CEP164: variants seen among roughly 807,000 people sequenced by gnomAD.
The protein encoded by CEP164 is centrosomal protein 164.
Under a neutral mutation model 182.7 loss-of-function variants are expected in CEP164, and 162 were observed. The observed-to-expected ratio is 0.89, with a 90% CI of 0.78 to 1.01. CEP164 has a LOEUF of 1.01. Among genes scored for constraint, CEP164 ranks in the 50% least tolerant of loss-of-function variants. The pLI is 0.00. For synonymous variants in CEP164, 661 were observed against 690.0 expected, an observed-to-expected ratio of 0.96 and a Z score of 0.66; for missense variants, 1,735 against 1,790.4, an observed-to-expected ratio of 0.97 and a Z score of 0.56.
intron 5 of CEP164, among the ~76,000 whole-genome samples, chr11:117,353,126 A>G (rs890598213): frequency 3.3e-5 from 5 of 151,970 alleles, no homozygotes; most frequent in African/African-American, 1.2e-4. Flanking sequence ...AGAGGGAGGG[A>G]CATAGGAACT....
At chr11:117,410,359 T>G in intron 30 of CEP164, 1 of 308,648 alleles carries the variant, frequency 3.2e-6, no homozygotes, top group Middle Eastern at 1.1e-3. Context: ...TAGTTCTTAA[T>G]TCTCTGAGGT....
At chr11:117,393,200 C>A in intron 20 of CEP164, 74 bp downstream of exon 20, 3 of 1,563,268 alleles carry the variant, frequency 1.9e-6, no homozygotes, top group Non-Finnish European at 2.6e-6. Context: ...CACACACATG[C>A]ACACACACAT....
At chr11:117,381,638 C>T in intron 12 of CEP164, 63 bp from the exon 13 acceptor site, 1 of 1,538,128 alleles carries the variant, frequency 6.5e-7, no homozygotes, top group East Asian at 2.4e-5. Context: ...CTGTACTCCC[C>T]AGTTCTCTTC....
intron 4 of CEP164, among the ~76,000 whole-genome samples, chr11:117,350,914 T>A (rs569730195): frequency 1.3e-5 from 2 of 152,380 alleles, no homozygotes; most frequent in South Asian, 4.1e-4. Flanking sequence ...TTGTTAATGG[T>A]GGATGAGATG....
At chr11:117,403,686 T>A (rs1241768658) in intron 27 of CEP164, among the ~76,000 whole-genome samples, 2 of 152,194 alleles carry the variant, frequency 1.3e-5, no homozygotes, top group African/African-American at 4.8e-5. Context: ...ATTTCCTGAA[T>A]TTGAATGTTG....
chr11:117,408,227 TG>T (rs2046933924), intron 28 of CEP164, among the ~76,000 whole-genome samples, 195 bp downstream of exon 28: 1 of 152,196 alleles, frequency 6.6e-6, no homozygotes, highest in Admixed American at 6.5e-5. Context: ...CCTGTGGGTT[TG>T]GATACCTGTG....
chr11:117,408,825 A>G, intron 28 of CEP164, 65 bp from the exon 29 acceptor site: 1 of 1,599,028 alleles, frequency 6.3e-7, no homozygotes. Flanking sequence ...CTTCCTAGGA[A>G]GGAAAAAGGA....
chr11:117,328,298 C>T (rs1451860637), intron 1 of CEP164: 5 of 152,348 alleles, frequency 3.3e-5, no homozygotes, highest in Admixed American at 6.5e-5. Flanking sequence ...CGAGTGAGGC[C>T]AGGCCTTCCG....
intron 27 of CEP164, among the ~76,000 whole-genome samples, chr11:117,404,278 C>G (rs866232014): frequency 6.6e-6 from 1 of 152,050 alleles, no homozygotes; most frequent in Non-Finnish European, 1.5e-5. Context: ...GGTTTTTCCT[C>G]ATCTTCATGG....
chr11:117,410,763 G>A, intron 30 of CEP164, 65 bp from the exon 31 acceptor site: 1 of 1,376,838 alleles, frequency 7.3e-7, no homozygotes, highest in Non-Finnish European at 1.0e-6. Flanking sequence ...GGGGAGGCAA[G>A]AGGTGCTGGT....
intron 20 of CEP164, among the ~76,000 whole-genome samples, chr11:117,393,716 C>T (rs2045036643): frequency 6.6e-6 from 1 of 152,178 alleles, no homozygotes; most frequent in Admixed American, 6.5e-5. Flanking sequence ...CTTGGGACAC[C>T]AAGAAATAGA....
chr11:117,347,724 AG>A (rs1298737635), intron 4 of CEP164, among the ~76,000 whole-genome samples: 1 of 151,976 alleles, frequency 6.6e-6, no homozygotes. Flanking sequence ...AAAAAAAAAA[AG>A]AATAGCTTGT....
chr11:117,398,887 T>C (rs917417983), intron 27 of CEP164, among the ~76,000 whole-genome samples: 3 of 152,214 alleles, frequency 2.0e-5, no homozygotes, highest in East Asian at 1.9e-4. Context: ...CCTGGAGATA[T>C]TTTCCCCATT....
chr11:117,395,932 G>T lies in CEP164; in HGVS notation c.3090-122G>T, dbSNP rs484988. On this transcript the variant is annotated intron_variant, in intron 24 of 32. Coordinates refer to ENST00000278935, the MANE Select transcript of CEP164 (RefSeq NM_014956.5). ...ATCTCTGGTGCTATTGTTCGTGCCT[G>T]AGCCCTTCCTCAGGGACTTTGACGG... 5 of 1,409,818 alleles carry T rather than the reference G, an allele frequency of 3.5e-6. No individual in the cohort carries two copies. In the Admixed American group the frequency reaches 7.8e-5, roughly 22 times the overall value. The allele number at this position is 1,409,818 out of a possible 1,614,324, so 87.3% of individuals were successfully genotyped here. A position where few individuals can be genotyped will look rare whatever the true frequency, so the allele number is the denominator to read the frequency against.
In CEP164 at chr11:117,362,536, C is replaced by G. The variant is rs2041112278; in HGVS notation, c.685C>G (p.Gln229Glu). The G allele has an allele frequency of 1.2e-6, 2 of 1,613,078 alleles. No homozygotes were observed. The highest frequency in any genetic ancestry group is 1.7e-6 in the Non-Finnish European group (2 of 1,179,792). The change falls in exon 7 of 33, where the codon CAG (glutamine) becomes GAG (glutamate). Residue 229 changes from glutamine (Q) to glutamate (E), a missense_variant and splice_region_variant. Gln to Glu is a conservative substitution (Grantham distance 29). Coordinates refer to ENST00000278935, the MANE Select transcript of CEP164 (RefSeq NM_014956.5). The part of the protein sequence containing the change: ...NEEDEEESDN[Q>E]SVHSSSEPLR... ...GGAGGATGAGGAGGAAAGTGACAAC[C>G]AGGTAATGATGAAGTCCTCTCCCTG...
At chr11:117,325,167 C>CTCCA, upstream of CEP164, among the ~76,000 whole-genome samples, 1 of 152,246 alleles carries the variant, frequency 6.6e-6, no homozygotes, top group Non-Finnish European at 1.5e-5. Context: ...TCACTGCAAC[C>CTCCA]CCTGCCTCTC....
chr11:117,392,442 C>G, intron 18 of CEP164, 54 bp from the exon 19 acceptor site: 2 of 1,590,874 alleles, frequency 1.3e-6, no homozygotes, highest in African/African-American at 1.3e-5. Context: ...CACACAGCAG[C>G]TGTACAGTCT....
intron 5 of CEP164, among the ~76,000 whole-genome samples, chr11:117,360,334 A>T (rs1023794299): frequency 2.6e-5 from 4 of 151,832 alleles, no homozygotes; most frequent in Non-Finnish European, 5.9e-5. Flanking sequence ...TGTCCAGCAA[A>T]TTTTTTTAAT....
intron 5 of CEP164, among the ~76,000 whole-genome samples, chr11:117,353,766 C>T (rs1364472779): frequency 6.6e-6 from 1 of 152,096 alleles, no homozygotes; most frequent in Admixed American, 6.6e-5. Flanking sequence ...TGTGCACTCA[C>T]AGTCAGGTGG....
Sources: gnomAD v4.1 joint callset for allele counts (sites outside exome capture counted in the v4.1 genomes callset) on GRCh38, gnomAD v4.1.1 for gene constraint, MANE v1.5 for transcripts, NCBI Gene and HGNC (gene_info 2026-07-23, HGNC 2026-07-21) for gene names.